Variants in ROBO1 observed in about 807,000 individuals in gnomAD.
The protein encoded by ROBO1 is roundabout homolog 1.
ROBO1 carries 149 observed loss-of-function variants against 195.9 expected under a neutral mutation model. That is an observed-to-expected ratio of 0.76 (90% confidence interval 0.67 to 0.87). The LOEUF (loss-of-function observed/expected upper bound fraction) is 0.87. Among genes scored for constraint, ROBO1 ranks in the 40% least tolerant of loss-of-function variants. The pLI, the probability that ROBO1 is intolerant of heterozygous loss-of-function variation, is 0.00. For synonymous variants in ROBO1, 816 were observed against 733.2 expected (o/e 1.11, Z -1.82); for missense variants, 1,933 against 2,068.3 (o/e 0.93, Z 1.27).
chr3:79,414,947 C>T (rs2037937292), intron 2 of ROBO1, among the ~76,000 whole-genome samples: 1 of 152,158 alleles, frequency 6.6e-6, no homozygotes. Flanking sequence ...AGCAGGCAAA[C>T]TGCATGTCTG....
intron 2 of ROBO1, among the ~76,000 whole-genome samples, chr3:79,303,835 A>T (rs2033097979): frequency 6.6e-6 from 1 of 152,146 alleles, no homozygotes; most frequent in Admixed American, 6.5e-5. Context: ...TAGATTCCAC[A>T]TATTAGTGAG....
chr3:79,325,261 TG>T (rs1431449506), intron 2 of ROBO1, among the ~76,000 whole-genome samples: 1 of 152,212 alleles, frequency 6.6e-6, no homozygotes, highest in Non-Finnish European at 1.5e-5. Flanking sequence ...CTTGGAATAC[TG>T]CTTGAATATC....
intron 3 of ROBO1, among the ~76,000 whole-genome samples, chr3:78,945,354 A>G (rs754413345): frequency 6.6e-6 from 1 of 152,174 alleles, no homozygotes; most frequent in African/African-American, 2.4e-5. Context: ...CAGCATTTGC[A>G]GTTCACCAAT....
intron 10 of ROBO1, among the ~76,000 whole-genome samples, chr3:78,681,675 C>A (rs566399772): frequency 1.3e-5 from 2 of 152,030 alleles, no homozygotes; most frequent in Non-Finnish European, 2.9e-5. Flanking sequence ...GAGGCCGAGG[C>A]GGGTGGATCA....
rs148352976 is a variant in ROBO1, at chr3:79,090,262, G to A, written c.172+35194C>T. ...CCATTTATTCATTTTTTTAAAACAG[G>A]TTGTTTTTACGTGGAAAGGCAAGCC... On this transcript the variant is annotated intron_variant, in intron 3 of 30. Transcript: ENST00000464233. 3.2e-3 allele frequency among the ~76,000 whole-genome samples: 485 copies of A among 152,098 alleles called. 2 individuals are homozygous for A. Among genetic ancestry groups the A allele is most frequent in the African/African-American group, 0.01 (434 of 41,512 alleles).
chr3:78,942,942 C>T (rs985108195), intron 3 of ROBO1, among the ~76,000 whole-genome samples: 14 of 150,598 alleles, frequency 9.3e-5, no homozygotes, highest in African/African-American at 7.3e-5. Flanking sequence ...TTGCCGGGTG[C>T]GGTGGGTCAC....
intron 2 of ROBO1, among the ~76,000 whole-genome samples, chr3:79,141,389 C>T (rs531728907): frequency 1.3e-5 from 2 of 152,242 alleles, no homozygotes; most frequent in East Asian, 3.9e-4. Flanking sequence ...TTGCACTCTT[C>T]ATTCTAATTG....
intron 2 of ROBO1, among the ~76,000 whole-genome samples, chr3:79,325,166 A>G (rs2034150482): frequency 6.6e-6 from 1 of 152,212 alleles, no homozygotes; most frequent in Admixed American, 6.5e-5. Context: ...GATTTATACA[A>G]AGGTAATTTT....
chr3:78,967,700 T>G (rs1021153245), intron 3 of ROBO1, among the ~76,000 whole-genome samples: 1 of 152,192 alleles, frequency 6.6e-6, no homozygotes, highest in Non-Finnish European at 1.5e-5. Context: ...TTTTAAAATG[T>G]TAATCCCTTG....
intron 1 of ROBO1, among the ~76,000 whole-genome samples, chr3:79,618,590 C>A (rs926382687): frequency 6.6e-6 from 1 of 152,112 alleles, no homozygotes; most frequent in Non-Finnish European, 1.5e-5. Flanking sequence ...TTACCCAAAT[C>A]CTATAAAACT....
chr3:79,611,779 C>T (rs1944665288), intron 1 of ROBO1, among the ~76,000 whole-genome samples: 1 of 151,972 alleles, frequency 6.6e-6, no homozygotes. Flanking sequence ...AGGAGAAATA[C>T]CTAATGTGGA....
intron 4 of ROBO1, among the ~76,000 whole-genome samples, chr3:78,893,116 GCTTTT>G (rs1292715502): frequency 6.6e-6 from 1 of 152,174 alleles, no homozygotes; most frequent in African/African-American, 2.4e-5. Context: ...AATTCTGAAT[GCTTTT>G]GTCATAGATT....
At chr3:79,173,794 G>A (rs1352717718) in intron 2 of ROBO1, among the ~76,000 whole-genome samples, 1 of 152,152 alleles carries the variant, frequency 6.6e-6, no homozygotes, top group East Asian at 1.9e-4. Context: ...CCTGAGTCTG[G>A]TGGAGACTTG....
At chr3:79,490,551 A>T (rs1939398516) in intron 2 of ROBO1, among the ~76,000 whole-genome samples, 1 of 152,256 alleles carries the variant, frequency 6.6e-6, no homozygotes, top group South Asian at 2.1e-4. Context: ...GCTAGAATAA[A>T]GGAGAATGAG....
intron 8 of ROBO1, among the ~76,000 whole-genome samples, chr3:78,711,919 A>C (rs1262561097): frequency 1.3e-5 from 2 of 151,636 alleles, no homozygotes; most frequent in Non-Finnish European, 2.9e-5. Context: ...AGAGTACACA[A>C]GTAGAAAAGC....
At chr3:79,188,872 T>C (rs571953399) in intron 2 of ROBO1, among the ~76,000 whole-genome samples, 9 of 151,768 alleles carry the variant, frequency 5.9e-5, no homozygotes, top group African/African-American at 1.7e-4. Context: ...GTATTAGGAG[T>C]TGATGCCTTT....
At chr3:79,305,754 C>T (rs189327768) in intron 2 of ROBO1, among the ~76,000 whole-genome samples, 108 of 151,982 alleles carry the variant, frequency 7.1e-4, no homozygotes, top group African/African-American at 2.2e-3. Flanking sequence ...TAGTAAGAGA[C>T]GGAAAACTAC....
At chr3:79,551,159 GT>G (rs1053918381) in intron 2 of ROBO1, among the ~76,000 whole-genome samples, 12 of 149,638 alleles carry the variant, frequency 8.0e-5, no homozygotes, top group East Asian at 5.9e-4. Flanking sequence ...GTGATACACT[GT>G]TTTTTTTTCT....
intron 2 of ROBO1, among the ~76,000 whole-genome samples, chr3:79,532,658 CTCTTA>C (rs1941706577): frequency 6.6e-6 from 1 of 152,154 alleles, no homozygotes; most frequent in African/African-American, 2.4e-5. Flanking sequence ...AAATGCACAT[CTCTTA>C]TCTTCTCTGA....
Sources: gnomAD v4.1 joint callset for allele counts (sites outside exome capture counted in the v4.1 genomes callset) on GRCh38, gnomAD v4.1.1 for gene constraint, MANE v1.5 for transcripts, NCBI Gene and HGNC (gene_info 2026-07-23, HGNC 2026-07-21) for gene names.